The following LRRC74B variants were observed in gnomAD, a reference collection of about 807,000 sequenced individuals.
LRRC74B encodes the protein leucine-rich repeat-containing protein 74B.
LRRC74B carries 30 observed loss-of-function variants against 16.6 expected under a neutral mutation model. The ratio of observed to expected loss-of-function variants is 1.80; its 90% CI spans 1.35 to 2.45. The LOEUF is 2.45. Among genes scored for constraint, LRRC74B ranks in the 30% most tolerant of loss-of-function variants. LRRC74B has a pLI of 0.00. For missense variants in LRRC74B, 326 were observed against 202.4 expected (o/e 1.61, Z -3.71); for synonymous variants, 134 against 86.0 (o/e 1.56, Z -3.09).
At chr22:21,057,272 G>A (rs1930590853) in intron 8 of LRRC74B, 72 bp downstream of exon 8, 2 of 689,420 alleles carry the variant, frequency 2.9e-6, no homozygotes, top group South Asian at 1.6e-5. Flanking sequence ...TTTAGAAGAA[G>A]AAAGTGAGGG....
At chr22:21,049,209 G>A in intron 4 of LRRC74B, 52 bp downstream of exon 4, 2 of 671,852 alleles carry the variant, frequency 3.0e-6, no homozygotes, top group Non-Finnish European at 5.6e-6. Context: ...TCCTGGGGCA[G>A]GGATGGGTGG....
chr22:21,052,351 G>A (rs1930138838), exon 5 of LRRC74B: 2 of 717,434 alleles, frequency 2.8e-6, no homozygotes, highest in Non-Finnish European at 5.2e-6. Flanking sequence ...TTTGCCAGGG[G>A]ACTGGAGGTA....
At chr22:21,058,052 AT>A (rs538672719) in intron 8 of LRRC74B, among the ~76,000 whole-genome samples, 24,122 of 133,894 alleles carry the variant, frequency 0.18, 2,204 homozygotes, top group South Asian at 0.29. Flanking sequence ...CGCCCGGCTG[AT>A]TTTTTTTTTT....
At chr22:21,050,959 C>G (rs1601811934) in intron 4 of LRRC74B, among the ~76,000 whole-genome samples, 2 of 92,654 alleles carry the variant, frequency 2.2e-5, no homozygotes, top group African/African-American at 8.9e-5. Flanking sequence ...TAGCCCCGGG[C>G]AACAGAGCGA....
At chr22:21,050,304 C>T (rs1044787672) in intron 4 of LRRC74B, among the ~76,000 whole-genome samples, 1 of 151,262 alleles carries the variant, frequency 6.6e-6, no homozygotes, top group East Asian at 2.0e-4. Context: ...CAAAGTGCTG[C>T]GATTACAGGT....
chr22:21,050,456 T>C (rs1165473556), intron 4 of LRRC74B, among the ~76,000 whole-genome samples: 2 of 151,898 alleles, frequency 1.3e-5, no homozygotes, highest in African/African-American at 4.8e-5. Flanking sequence ...GTTTGCCTTC[T>C]AAGAAAATTA....
At chr22:21,061,161 G>A (rs1930789139), downstream of LRRC74B, among the ~76,000 whole-genome samples, 1 of 152,032 alleles carries the variant, frequency 6.6e-6, no homozygotes, top group Non-Finnish European at 1.5e-5. Flanking sequence ...AACCCCAGCT[G>A]TACTAAAAAT....
At chr22:21,059,495 A>G (rs1930709091) in intron 8 of LRRC74B, among the ~76,000 whole-genome samples, 1 of 152,222 alleles carries the variant, frequency 6.6e-6, no homozygotes, top group South Asian at 2.1e-4. Context: ...CAGAAAGCGG[A>G]GGTTTCAGTG....
chr22:21,058,710 G>A (rs1206042460), intron 8 of LRRC74B, among the ~76,000 whole-genome samples: 1 of 152,050 alleles, frequency 6.6e-6, no homozygotes, highest in African/African-American at 2.4e-5. Flanking sequence ...CCTTAACCAT[G>A]TGCCTGCTGC....
intron 6 of LRRC74B, 49 bp from the exon 7 acceptor site, chr22:21,055,049 C>A: frequency 1.4e-6 from 1 of 711,740 alleles, no homozygotes; most frequent in Non-Finnish European, 2.6e-6. Context: ...GGCTCTGCAC[C>A]GCTGCTTGGA....
At chr22:21,062,450 C>T (rs1209622210), downstream of LRRC74B, 1 of 152,076 alleles carries the variant, frequency 6.6e-6, no homozygotes, top group African/African-American at 2.4e-5. Flanking sequence ...CGCGGTGGCT[C>T]ACGCCCATAA....
chr22:21,057,162 G>C, exon 8 of LRRC74B: 1 of 717,404 alleles, frequency 1.4e-6, no homozygotes, highest in Non-Finnish European at 2.6e-6. Context: ...GTCTGTCCAG[G>C]ACAATCCAGC....
chr22:21,048,106 T>A (rs1377607609), intron 3 of LRRC74B, 90 bp downstream of exon 3: 1 of 698,780 alleles, frequency 1.4e-6, no homozygotes, highest in Non-Finnish European at 2.6e-6. Flanking sequence ...CCGTGTCACC[T>A]GGGGCCTGCT....
intron 1 of LRRC74B, 77 bp from the exon 2 acceptor site, chr22:21,047,275 CAGGT>C: frequency 1.5e-6 from 1 of 657,180 alleles, no homozygotes; most frequent in Non-Finnish European, 2.8e-6. Flanking sequence ...AAACATAGGC[CAGGT>C]AGTGACACAG....
At chr22:21,052,182 G>T in intron 4 of LRRC74B, 67 bp from the exon 5 acceptor site, 1 of 711,648 alleles carries the variant, frequency 1.4e-6, no homozygotes, top group Non-Finnish European at 2.6e-6. Context: ...CACGCAGTGG[G>T]CATCAGTGTG....
chr22:21,058,150 C>T (rs1046379327), intron 8 of LRRC74B, among the ~76,000 whole-genome samples: 7 of 151,642 alleles, frequency 4.6e-5, no homozygotes, highest in Non-Finnish European at 8.8e-5. Context: ...ATCCACCCAC[C>T]TCGGCCTTCC....
chr22:21,054,238 A>G (rs982885151), intron 6 of LRRC74B, among the ~76,000 whole-genome samples: 9 of 152,208 alleles, frequency 5.9e-5, no homozygotes, highest in Non-Finnish European at 1.0e-4. Flanking sequence ...AGGCAGGAAG[A>G]TTGCTTGAGC....
chr22:21,055,635 C>T (rs1372845347), intron 7 of LRRC74B, among the ~76,000 whole-genome samples: 1 of 152,288 alleles, frequency 6.6e-6, no homozygotes, highest in East Asian at 1.9e-4. Context: ...AGGAGGGAGG[C>T]AAGCCGGGAG....
chr22:21,060,119 A>G (rs1408344429), intron 8 of LRRC74B, among the ~76,000 whole-genome samples: 1 of 152,154 alleles, frequency 6.6e-6, no homozygotes, highest in Admixed American at 6.5e-5. Flanking sequence ...GAAGTGAGCT[A>G]TGATTGAGCC....
Sources: allele counts gnomAD v4.1 joint callset (sites outside exome capture counted in the v4.1 genomes callset), GRCh38; gene constraint gnomAD v4.1.1; transcripts MANE v1.5; gene names NCBI Gene and HGNC (gene_info 2026-07-23, HGNC 2026-07-21).